The following MASTL variants were observed in gnomAD, a reference collection of about 807,000 sequenced individuals.
MASTL encodes serine/threonine-protein kinase greatwall.
Under a neutral mutation model 82.5 loss-of-function variants are expected in MASTL, and 54 were observed. That is an observed-to-expected ratio of 0.65 (90% CI 0.53 to 0.82). MASTL has a LOEUF of 0.82. Ranked by LOEUF, MASTL falls within the 40% of genes least tolerant of loss-of-function variation. The pLI, the probability that MASTL is intolerant of heterozygous loss-of-function variation, is 0.00. For synonymous variants in MASTL, 323 were observed against 368.9 expected (o/e 0.88, Z 1.43); for missense variants, 950 against 1,047.8 (o/e 0.91, Z 1.29).
chr10:27,180,923 C>A, intron 9 of MASTL, 30 bp from the exon 10 acceptor site: 2 of 1,347,928 alleles, frequency 1.5e-6, no homozygotes, highest in Non-Finnish European at 2.1e-6. Flanking sequence ...AGAATGCTTG[C>A]AACTTTAGCT....
chr10:27,158,521 G>A, intron 1 of MASTL, 28 bp from the exon 2 acceptor site: 2 of 1,520,804 alleles, frequency 1.3e-6, no homozygotes, highest in Non-Finnish European at 9.1e-7. Context: ...AAAATAACAT[G>A]ATATCACTTT....
At position 27,158,661 on chromosome 10, in the gene MASTL, T is replaced by C. The variant is rs765493867; in HGVS notation, c.299T>C (p.Leu100Pro). Residue 100 changes from leucine to proline, a missense_variant, in exon 2 of 12, where the codon CTG becomes CCG. By Grantham distance (98) the Leu-to-Pro change is moderately conservative (BLOSUM62 -3). Transcript: ENST00000375940. ...SPFIVHLYYSLQSANNVYLVM... is the reference protein window; with the variant it reads ...SPFIVHLYYSPQSANNVYLVM... ...TTCATTGTCCATTTGTATTATTCACTGCAGTCTGCAAACAATGTCTACTTG... is the reference window on the plus strand; with the variant it reads ...TTCATTGTCCATTTGTATTATTCACCGCAGTCTGCAAACAATGTCTACTTG... 3 of 1,614,018 alleles carry C rather than the reference T, an allele frequency of 1.9e-6. No individual in the cohort carries two copies. Among genetic ancestry groups the C allele is most frequent in the African/African-American group, 1.3e-5 (1 of 74,946 alleles).
Position 27,181,080 on chromosome 10 carries a change from T to C in MASTL, c.2380+14T>C, listed in dbSNP as rs752526016. ...TTCTGAAAAGAGGTGATTCTTTTTC[T>C]CCTATTAAGATAGTCATTTACTGGC... is the stretch of plus-strand genomic sequence containing the variant. On this transcript the variant is annotated intron_variant, in intron 10 of 11. Transcript: ENST00000375940. The C allele has an allele frequency of 2.6e-6, 4 of 1,521,960 alleles. No individual in the cohort carries two copies. In the East Asian group the frequency reaches 9.0e-5, roughly 34 times the overall value. 94.3% of individuals were successfully genotyped at this position (1,521,960 alleles called of 1,614,324 possible).
intron 7 of MASTL, among the ~76,000 whole-genome samples, chr10:27,168,555 G>A (rs761667039): frequency 6.6e-6 from 1 of 152,152 alleles, no homozygotes; most frequent in Admixed American, 6.6e-5. Flanking sequence ...GGTGGCTCAC[G>A]CCTGTAATCC....
chr10:27,157,253 A>G (rs528347747), intron 1 of MASTL, among the ~76,000 whole-genome samples: 6 of 152,148 alleles, frequency 3.9e-5, no homozygotes, highest in Non-Finnish European at 7.3e-5. Context: ...GTTACTTTAT[A>G]TGTTCCTGAG....
At chr10:27,176,774 C>G (rs1432221627) in intron 9 of MASTL, among the ~76,000 whole-genome samples, 1 of 151,808 alleles carries the variant, frequency 6.6e-6, no homozygotes, top group Non-Finnish European at 1.5e-5. Context: ...TGTGTTGTAA[C>G]TAATTGTTTA....
At position 27,186,771 on chromosome 10, in the gene MASTL, TTTTG is replaced by T; in HGVS notation, c.*239_*242del. ...CTTCAAAGCTTTTTTCATTTATTTA[TTTTG>T]TTTATTGCACTTTATGAAAACTGAA... On this transcript the variant is annotated 3_prime_UTR_variant, in exon 12 of 12. Transcript: ENST00000375940. The T allele has an allele frequency of 3.9e-6, 2 of 509,600 alleles. No homozygotes were observed. Among genetic ancestry groups the T allele is most frequent in the South Asian group, 2.2e-5 (1 of 46,486 alleles). 31.6% of individuals were successfully genotyped at this position (509,600 alleles called of 1,614,324 possible).
intron 4 of MASTL, among the ~76,000 whole-genome samples, chr10:27,162,913 T>TTTTG (rs776654167): frequency 5.9e-5 from 9 of 152,162 alleles, no homozygotes; most frequent in African/African-American, 1.7e-4. Context: ...ATTTATAGTC[T>TTTTG]TTTGTTTGTT....
intron 1 of MASTL, among the ~76,000 whole-genome samples, chr10:27,157,346 T>A (rs954541352): frequency 2.0e-5 from 3 of 152,166 alleles, no homozygotes; most frequent in African/African-American, 4.8e-5. Flanking sequence ...AGTATTTGCT[T>A]AGCACCCACC....
chr10:27,173,746 A>G (rs1320196369), intron 9 of MASTL, among the ~76,000 whole-genome samples: 1 of 151,704 alleles, frequency 6.6e-6, no homozygotes, highest in Non-Finnish European at 1.5e-5. Context: ...ATGCCCGCCT[A>G]ATTTTTGTAT....
In MASTL at chr10:27,170,883, G is replaced by A; in HGVS notation, c.1924G>A (p.Val642Met). ...NQKMLGPPLE[V>M]LKTLASKRNA... ...AAAAATGTTAGGTCCTCCTTTGGAGGTGCTGAAAACGTTAGCCTCTAAAAG... is the reference window on the plus strand; with the variant it reads ...AAAAATGTTAGGTCCTCCTTTGGAGATGCTGAAAACGTTAGCCTCTAAAAG... The change falls in exon 8 of 12, where the codon GTG becomes ATG. Residue 642 changes from valine to methionine, a missense_variant. Val to Met is a conservative substitution (Grantham distance 21). Transcript: ENST00000375940. The A allele has an allele frequency of 1.2e-6, 2 of 1,614,138 alleles. No individual in the cohort carries two copies. Among genetic ancestry groups the A allele is most frequent in the Non-Finnish European group, 1.7e-6 (2 of 1,180,020 alleles).
At chr10:27,171,175 TC>T (rs1412443737) in intron 8 of MASTL, 92 bp downstream of exon 8, 2 of 1,090,800 alleles carry the variant, frequency 1.8e-6, no homozygotes, top group Admixed American at 3.7e-5. Flanking sequence ...GCGGTATTAA[TC>T]ATATAGTTCT....
At chr10:27,165,219 C>A in intron 5 of MASTL, 49 bp downstream of exon 5, 1 of 1,418,066 alleles carries the variant, frequency 7.1e-7, no homozygotes, top group Non-Finnish European at 1.0e-6. Flanking sequence ...TCATGATCAC[C>A]ACTTAAAATT....
chr10:27,167,192 G>C lies in MASTL; in HGVS notation c.902G>C (p.Ser301Thr). The C allele has an allele frequency of 6.2e-7, 1 of 1,614,046 alleles. No individual in the cohort carries two copies. ...TCTAGGAAAAGGCTGGCCACATCCA[G>C]TGCCAGTAGTCAATCCCACACCTTC... ...LQSRKRLATSSASSQSHTFIS... is the reference protein window; with the variant it reads ...LQSRKRLATSTASSQSHTFIS... Residue 301 changes from serine (S) to threonine (T), a missense_variant, in exon 7 of 12, where the codon AGT becomes ACT. Physicochemically the swap from Ser to Thr is moderately conservative, Grantham distance 58. Coordinates refer to ENST00000375940, the MANE Select transcript of MASTL (RefSeq NM_001172303.3).
intron 6 of MASTL, among the ~76,000 whole-genome samples, chr10:27,166,489 A>G (rs979263265): frequency 1.3e-5 from 2 of 152,130 alleles, no homozygotes; most frequent in African/African-American, 4.8e-5. Context: ...GCTCCTAGTT[A>G]TACATTAATT....
intron 11 of MASTL, among the ~76,000 whole-genome samples, chr10:27,182,356 T>G (rs2058370876): frequency 6.6e-6 from 1 of 152,124 alleles, no homozygotes; most frequent in African/African-American, 2.4e-5. Flanking sequence ...CATTGATATA[T>G]TGGTCCTTAT....
At chr10:27,167,028 T>C in intron 6 of MASTL, 74 bp from the exon 7 acceptor site, 3 of 1,138,650 alleles carry the variant, frequency 2.6e-6, no homozygotes, top group Non-Finnish European at 2.7e-6. Context: ...TGCTTAATTA[T>C]ATGTAAAGAT....
In MASTL at chr10:27,168,443, G is replaced by T. The variant is rs149024462; in HGVS notation, c.984+1169G>T. On this transcript the variant is annotated intron_variant, in intron 7 of 11. Coordinates refer to ENST00000375940, the MANE Select transcript of MASTL (RefSeq NM_001172303.3). ...AAGTTATGATCAGAGGAATGATAAGGCACCCTCTGAAAAACCTTACACTGA... is the reference window on the plus strand; with the variant it reads ...AAGTTATGATCAGAGGAATGATAAGTCACCCTCTGAAAAACCTTACACTGA... Among the ~76,000 whole-genome samples the T allele has an allele frequency of 1.8e-3, 267 of 152,280 alleles. 1 individual carries two copies. Among genetic ancestry groups the T allele is most frequent in the African/African-American group, 6.0e-3 (250 of 41,560 alleles).
chr10:27,154,489 A>G (rs1564474201), upstream of MASTL: 2 of 548,952 alleles, frequency 3.6e-6, no homozygotes, highest in Non-Finnish European at 6.5e-6. Context: ...AGTAGTTGAC[A>G]TTTACAAGGA....
Sources: gnomAD v4.1 joint callset for allele counts (sites outside exome capture counted in the v4.1 genomes callset) on GRCh38, gnomAD v4.1.1 for gene constraint, MANE v1.5 for transcripts, NCBI Gene and HGNC (gene_info 2026-07-23, HGNC 2026-07-21) for gene names.